The following ERI1 variants were observed in gnomAD, a reference collection of about 807,000 sequenced individuals.
The protein encoded by ERI1 is 3'-5' exoribonuclease 1.
In ERI1, 39 loss-of-function variants were observed where a neutral mutation model predicts 39.7. The observed-to-expected ratio is 0.98, with a 90% CI of 0.76 to 1.28. ERI1 has a LOEUF of 1.28. ERI1 is among the 50% of genes most tolerant of loss of function. The pLI is 0.00. For missense variants in ERI1, 581 were observed against 416.9 expected, an observed-to-expected ratio of 1.39 and a Z score of -3.43; for synonymous variants, 204 against 149.6, an observed-to-expected ratio of 1.36 and a Z score of -2.65.
chr8:9,066,358 G>C (rs1798879117), intron 3 of ERI1, among the ~76,000 whole-genome samples: 1 of 152,216 alleles, frequency 6.6e-6, no homozygotes, highest in Admixed American at 6.5e-5. Flanking sequence ...GACACAGCGG[G>C]CTCCCCGGTG....
At chr8:9,060,470 G>T (rs999246459) in intron 3 of ERI1, among the ~76,000 whole-genome samples, 1 of 152,118 alleles carries the variant, frequency 6.6e-6, no homozygotes, top group African/African-American at 2.4e-5. Flanking sequence ...ATCCCTGAGG[G>T]GCAGTAGAAT....
chr8:9,046,055 TAAAG>T (rs1465007884), intron 3 of ERI1, among the ~76,000 whole-genome samples: 1 of 152,116 alleles, frequency 6.6e-6, no homozygotes. Context: ...GGGCCTGTGT[TAAAG>T]AAAATTCATT....
intron 3 of ERI1, chr8:9,099,941 C>T (rs1023221857): frequency 3.3e-5 from 5 of 151,882 alleles, no homozygotes; most frequent in Non-Finnish European, 5.9e-5. Flanking sequence ...TTCATGTCAG[C>T]TCGTTGTAGA....
At position 9,045,106 on chromosome 8, in the gene ERI1, G is replaced by C. The variant is rs10096644; in HGVS notation, n.299+24642G>C. 2.2e-3 allele frequency among the ~76,000 whole-genome samples: 341 copies of C among 151,810 alleles called. 1 individual carries two copies. The highest frequency in any genetic ancestry group is 7.9e-3 in the African/African-American group (326 of 41,412). ...AAAAAATTAGCTGGGCGTAGTGGCGGGCACCTGTAGTCCCAGCTACTCTGG... is the reference window on the plus strand; with the variant it reads ...AAAAAATTAGCTGGGCGTAGTGGCGCGCACCTGTAGTCCCAGCTACTCTGG... On this transcript the variant is annotated intron_variant and non_coding_transcript_variant, in intron 3 of 3. Transcript: ENST00000518663.
chr8:9,040,763 A>T (rs1233172193), intron 3 of ERI1, among the ~76,000 whole-genome samples: 1 of 151,772 alleles, frequency 6.6e-6, no homozygotes, highest in African/African-American at 2.4e-5. Flanking sequence ...ACATTTGATA[A>T]GGTTCTTGTT....
chr8:9,059,273 CA>C (rs1798614029), intron 3 of ERI1, among the ~76,000 whole-genome samples: 1 of 152,154 alleles, frequency 6.6e-6, no homozygotes, highest in Admixed American at 6.5e-5. Flanking sequence ...ATGCAGGTCA[CA>C]GGGGATATGA....
At chr8:9,022,277 T>G (rs1300870917) in intron 6 of ERI1, among the ~76,000 whole-genome samples, 4 of 152,218 alleles carry the variant, frequency 2.6e-5, no homozygotes, top group African/African-American at 4.8e-5. Flanking sequence ...TCTGACTGTT[T>G]TAAAAAAAAT....
At position 9,032,200 on chromosome 8, in the gene ERI1, TACA is replaced by T. The variant is rs2117316101; in HGVS notation, c.*2169_*2171del. The T allele has an allele frequency of 6.6e-6, 1 of 152,336 alleles. No homozygotes were observed. The highest frequency in any genetic ancestry group is 1.9e-4 in the East Asian group (1 of 5,186). 9.4% of individuals were successfully genotyped at this position (152,336 alleles called of 1,614,324 possible). A position where few individuals can be genotyped will look rare whatever the true frequency, so the allele number is the denominator to read the frequency against. On this transcript the variant is annotated 3_prime_UTR_variant, in exon 7 of 7. Coordinates refer to ENST00000250263, the MANE Select transcript of ERI1 (RefSeq NM_153332.4). ...TGTGTTGTCTTTGAAAGACAAATAG[TACA>T]ACTTTTTACAAGGAAACACGTAAGA...
At chr8:9,099,520 G>C (rs1471026030) in intron 3 of ERI1, among the ~76,000 whole-genome samples, 1 of 151,640 alleles carries the variant, frequency 6.6e-6, no homozygotes, top group Non-Finnish European at 1.5e-5. Flanking sequence ...AGTTGAGCCT[G>C]GGAGGTCAAG....
chr8:9,020,615 C>A, intron 6 of ERI1, 151 bp downstream of exon 6: 2 of 562,698 alleles, frequency 3.6e-6, no homozygotes, highest in Non-Finnish European at 6.2e-6. Context: ...TCCTTATGTT[C>A]AAATTAGATA....
chr8:9,055,117 G>A (rs1002116120), intron 3 of ERI1, among the ~76,000 whole-genome samples: 4 of 152,190 alleles, frequency 2.6e-5, no homozygotes, highest in Admixed American at 6.5e-5. Flanking sequence ...GCACAGCCCC[G>A]TGGTGGAAGA....
intron 2 of ERI1, among the ~76,000 whole-genome samples, chr8:9,008,783 T>TA (rs1463022827): frequency 6.6e-6 from 1 of 151,944 alleles, no homozygotes; most frequent in Non-Finnish European, 1.5e-5. Context: ...TCCAGAAAAA[T>TA]ACATCGATTT....
chr8:9,049,001 G>A (rs1798267520), intron 3 of ERI1, among the ~76,000 whole-genome samples: 1 of 151,930 alleles, frequency 6.6e-6, no homozygotes, highest in Non-Finnish European at 1.5e-5. Context: ...AGGTGAGCGA[G>A]ATGTAAATGC....
In ERI1 at chr8:9,004,386, CTT is replaced by C. The variant is rs199545620; in HGVS notation, c.108+1218_108+1219del. On this transcript the variant is annotated intron_variant, in intron 1 of 6. Transcript: ENST00000250263. ...TTCTTTATATTTGAAAGTCTTGACA[CTT>C]TTACAGCTACTTAAGGCCTAGGTCT... 7.1e-3 allele frequency: 5,268 copies of C among 738,012 alleles called. 152 individuals are homozygous for C. In the South Asian group the frequency reaches 0.076, roughly 11 times the overall value. The allele number at this position is 738,012 out of a possible 1,614,324, so 45.7% of individuals were successfully genotyped here. A position where few individuals can be genotyped will look rare whatever the true frequency, so the allele number is the denominator to read the frequency against.
chr8:9,086,830 G>A (rs904151464), intron 3 of ERI1, among the ~76,000 whole-genome samples: 3 of 152,148 alleles, frequency 2.0e-5, no homozygotes, highest in South Asian at 2.1e-4. Flanking sequence ...TGTTGACTGA[G>A]CAAGAGTGTC....
rs115558316 is a variant in ERI1, at chr8:9,066,416, A to G, written n.299+45952A>G. Among the ~76,000 whole-genome samples the G allele has an allele frequency of 2.1e-3, 315 of 152,326 alleles. 1 individual carries two copies. Among genetic ancestry groups the G allele is most frequent in the African/African-American group, 7.2e-3 (300 of 41,572 alleles). On this transcript the variant is annotated intron_variant and non_coding_transcript_variant, in intron 3 of 3. Coordinates refer to the ERI1 transcript ENST00000518663. ...AAAGCAAGAGTTTGAGGACTCTGCC[A>G]ATAAAATGGGGACAATGCAAAGATG...
chr8:9,038,461 C>T (rs1424210777), intron 3 of ERI1, among the ~76,000 whole-genome samples: 1 of 152,206 alleles, frequency 6.6e-6, no homozygotes, highest in Non-Finnish European at 1.5e-5. Context: ...AGTGTATATA[C>T]ATTTAAAATT....
At chr8:9,046,570 G>T (rs1163147258) in intron 3 of ERI1, among the ~76,000 whole-genome samples, 2 of 152,168 alleles carry the variant, frequency 1.3e-5, no homozygotes, top group Non-Finnish European at 2.9e-5. Flanking sequence ...TACTCAAATA[G>T]CATCCCTAAA....
intron 3 of ERI1, among the ~76,000 whole-genome samples, chr8:9,041,982 C>T (rs1303881709): frequency 6.6e-6 from 1 of 152,208 alleles, no homozygotes; most frequent in African/African-American, 2.4e-5. Flanking sequence ...GATCCTCCCA[C>T]CTTGGCCTCC....
Sources: allele counts gnomAD v4.1 joint callset (sites outside exome capture counted in the v4.1 genomes callset), GRCh38; gene constraint gnomAD v4.1.1; transcripts MANE v1.5; gene names NCBI Gene and HGNC (gene_info 2026-07-23, HGNC 2026-07-21).